TJP3: variants seen among roughly 807,000 people sequenced by gnomAD.
The protein encoded by TJP3 is tight junction protein 3.
A neutral mutation model predicts 104.2 loss-of-function variants in TJP3; 85 were observed. That is an observed-to-expected ratio of 0.82 (90% confidence interval 0.68 to 0.98). The LOEUF (loss-of-function observed/expected upper bound fraction) is 0.98, where lower values mean the gene tolerates loss of function less well. Among genes scored for constraint, TJP3 ranks in the 50% least tolerant of loss-of-function variants. TJP3 has a pLI of 0.00. For synonymous variants in TJP3, 550 were observed against 550.6 expected (o/e 1.00, Z 0.02); for missense variants, 1,367 against 1,322.8 (o/e 1.03, Z -0.52).
intron 1 of TJP3, among the ~76,000 whole-genome samples, chr19:3,717,506 G>C (rs1028983026): frequency 4.0e-4 from 60 of 151,322 alleles, no homozygotes; most frequent in Non-Finnish European, 7.8e-4. Flanking sequence ...CGTGATCTCA[G>C]CTCACTGCAA....
In TJP3 at chr19:3,734,410, G is replaced by A. The variant is rs199643630; in HGVS notation, c.961G>A (p.Glu321Lys). The A allele has an allele frequency of 5.3e-5, 86 of 1,610,984 alleles. 1 individual carries two copies. In the East Asian group the frequency reaches 1.2e-3, roughly 23 times the overall value. The change falls in exon 8 of 21, where the codon GAG becomes AAG. Residue 321 changes from glutamate (E) to lysine (K), a missense_variant. Glu to Lys is a moderately conservative substitution (Grantham distance 56, BLOSUM62 1). Coordinates refer to ENST00000541714, the MANE Select transcript of TJP3 (RefSeq NM_001267560.2). ...PPPRHAQRSP[E>K]ASQTDSPVES... is the part of the protein sequence containing the mutation. The stretch of plus-strand genomic sequence containing the variant: ...ACCCCGGCATGCTCAGCGGAGCCCC[G>A]AGGCCAGCCAGACCGACTCTCCCGT...
Position 3,730,104 on chromosome 19 carries a change from A to C in TJP3, c.235A>C (p.Lys79Gln). 1 of 1,614,108 alleles carries C rather than the reference A, an allele frequency of 6.2e-7. No homozygotes were observed. The highest frequency in any genetic ancestry group is 8.5e-7 in the Non-Finnish European group (1 of 1,180,006). The change falls in exon 4 of 21, where the codon AAG (lysine) becomes CAG (glutamine). Residue 79 changes from lysine (K) to glutamine (Q), a missense_variant. Lys to Gln is a moderately conservative substitution (Grantham distance 53). Coordinates refer to ENST00000541714, the MANE Select transcript of TJP3 (RefSeq NM_001267560.2). The surrounding 1 kb of genome is among the most constrained non-coding windows in gnomAD (Gnocchi z 7.3). ...ATSAFAIQIL[K>Q]TCTKMANITV... ...CTCCGCGTTTGCCATTCAGATACTC[A>C]AGACCTGCACCAAGATGGCCAACAT...
At chr19:3,722,363 G>T (rs1336494902) in intron 1 of TJP3, among the ~76,000 whole-genome samples, 1 of 152,140 alleles carries the variant, frequency 6.6e-6, no homozygotes, top group Non-Finnish European at 1.5e-5. Context: ...TGCTGGGGGC[G>T]TGCAGCCGGC....
intron 1 of TJP3, among the ~76,000 whole-genome samples, chr19:3,711,445 C>A (rs555357536): frequency 6.6e-6 from 1 of 151,408 alleles, no homozygotes; most frequent in African/African-American, 2.4e-5. Flanking sequence ...GTGATTCGCT[C>A]GCCTCGGCCT....
intron 14 of TJP3, 100 bp downstream of exon 14, chr19:3,740,863 C>G: frequency 8.4e-7 from 1 of 1,194,672 alleles, no homozygotes; most frequent in South Asian, 2.3e-5. Flanking sequence ...AGTCTTGGCC[C>G]GGCGTGGTGG....
At position 3,747,935 on chromosome 19, in the gene TJP3, T is replaced by TA; in HGVS notation, c.2465dup (p.Tyr822Ter). ...EGGAYTDGEG[Y>*]TDGEGGPYTD... Reference sequence around the variant, plus strand: ...CGGCGCGTACACGGATGGCGAGGGCTACACAGACGGCGAGGGGGGGCCCTA... The same window carrying TA: ...CGGCGCGTACACGGATGGCGAGGGCTAACACAGACGGCGAGGGGGGGCCCTA... Residue 822 changes from tyrosine (Y) to a stop codon, truncating the protein, a stop_gained and frameshift_variant, in exon 19 of 21, where the codon TAC becomes TAAC. Coordinates refer to ENST00000541714, the MANE Select transcript of TJP3 (RefSeq NM_001267560.2). LOFTEE classifies it high-confidence loss of function. The TA allele has an allele frequency of 6.2e-7, 1 of 1,613,054 alleles. No individual in the cohort carries two copies. The highest frequency in any genetic ancestry group is 8.5e-7 in the Non-Finnish European group (1 of 1,179,860).
chr19:3,720,240 GC>G (rs2036529557), intron 1 of TJP3, among the ~76,000 whole-genome samples: 1 of 152,212 alleles, frequency 6.6e-6, no homozygotes, highest in African/African-American at 2.4e-5. Flanking sequence ...CTTTGGCAAT[GC>G]TTTATTCGGG....
chr19:3,730,389 C>A lies in TJP3; in HGVS notation c.296C>A (p.Ala99Asp). The change falls in exon 5 of 21, where the codon GCC (alanine) becomes GAC (aspartate). Residue 99 changes from alanine to aspartate, a missense_variant. Ala to Asp is a moderately radical substitution (Grantham distance 126, BLOSUM62 -2). Coordinates refer to ENST00000541714, the MANE Select transcript of TJP3 (RefSeq NM_001267560.2). This position sits in a 1 kb window ranked among gnomAD's most constrained non-coding sequence, Gnocchi z 7.3. Reference protein sequence around the residue: ...VKRPRRIHLPATKASPSSPGR... With the variant: ...VKRPRRIHLPDTKASPSSPGR... ...CGTCCCCGGAGGATCCACCTGCCCG[C>A]CACCAAAGCCAGCCCCTCCAGCCCA... 6.4e-7 allele frequency: 1 copy of A among 1,555,958 alleles called. No individual in the cohort carries two copies. The highest frequency in any genetic ancestry group is 2.0e-5 in the Admixed American group (1 of 50,288).
intron 11 of TJP3, among the ~76,000 whole-genome samples, chr19:3,738,007 T>G (rs2036759402): frequency 1.3e-5 from 2 of 152,070 alleles, no homozygotes; most frequent in Non-Finnish European, 1.5e-5. Context: ...TGTATATTGC[T>G]GTCCATGTCA....
chr19:3,716,689 G>C (rs2036479715), intron 1 of TJP3, among the ~76,000 whole-genome samples: 1 of 145,584 alleles, frequency 6.9e-6, no homozygotes, highest in Non-Finnish European at 1.5e-5. Context: ...GCAAGGGCAA[G>C]ATCATGGATC....
At chr19:3,731,651 A>G (rs1256284224) in intron 5 of TJP3, among the ~76,000 whole-genome samples, 1 of 149,544 alleles carries the variant, frequency 6.7e-6, no homozygotes, top group Admixed American at 6.7e-5. Flanking sequence ...ATTAAAAAAT[A>G]AAAAATAAAA....
At chr19:3,735,228 C>G (rs1354779718) in intron 8 of TJP3, among the ~76,000 whole-genome samples, 2 of 152,012 alleles carry the variant, frequency 1.3e-5, no homozygotes, top group Non-Finnish European at 2.9e-5. Context: ...GAGACAAGGT[C>G]TCACTCTGTC....
intron 12 of TJP3, 93 bp from the exon 13 acceptor site, chr19:3,738,804 G>A: frequency 2.9e-6 from 4 of 1,374,208 alleles, no homozygotes; most frequent in Non-Finnish European, 4.0e-6. Context: ...CAGGGAGAGT[G>A]CCCCAAATCT....
chr19:3,741,596 C>T (rs1327791065), intron 14 of TJP3, among the ~76,000 whole-genome samples: 2 of 147,728 alleles, frequency 1.4e-5, no homozygotes, highest in Non-Finnish European at 3.0e-5. Context: ...CACTGCACTC[C>T]ACCCTGGGCC....
At chr19:3,735,833 G>T in intron 9 of TJP3, 36 bp from the exon 10 acceptor site, 1 of 1,613,514 alleles carries the variant, frequency 6.2e-7, no homozygotes, top group Non-Finnish European at 8.5e-7. Flanking sequence ...GACTGAGCCA[G>T]TGTGCTTGGG....
chr19:3,730,319 C>A lies in TJP3; in HGVS notation c.262-36C>A. 6.7e-7 allele frequency: 1 copy of A among 1,497,652 alleles called. No individual in the cohort carries two copies. The highest frequency in any genetic ancestry group is 8.9e-7 in the Non-Finnish European group (1 of 1,119,682). 92.8% of individuals were successfully genotyped at this position (1,497,652 alleles called of 1,614,324 possible). ...TGAGCAGAGCCTCCCCCAGCCCTTG[C>A]CTGTAGCTGACCCTTCCTGTCCCCT... On this transcript the variant is annotated intron_variant, in intron 4 of 20. Transcript: ENST00000541714. The surrounding 1 kb of genome is among the most constrained non-coding windows in gnomAD (Gnocchi z 7.3).
intron 1 of TJP3, among the ~76,000 whole-genome samples, chr19:3,720,985 G>A (rs984252865): frequency 5.3e-5 from 7 of 133,134 alleles, no homozygotes; most frequent in Middle Eastern, 4.2e-3. Flanking sequence ...TCAGCTCACC[G>A]CAACCTCCGC....
In TJP3 at chr19:3,716,364, C is replaced by T. The variant is rs953708224; in HGVS notation, c.-10+7803C>T. 1.1e-4 allele frequency among the ~76,000 whole-genome samples: 17 copies of T among 148,538 alleles called. 1 individual carries two copies. Among genetic ancestry groups the T allele is most frequent in the African/African-American group, 2.7e-4 (11 of 41,260 alleles). ...CTGGAATTACAGGTGTGAGTCACCG[C>T]GCTCGGCCTGGTATTGAACACCAAA... is the stretch of plus-strand genomic sequence containing the variant. On this transcript the variant is annotated intron_variant, in intron 1 of 20. Transcript: ENST00000541714.
At position 3,746,003 on chromosome 19, in the gene TJP3, G is replaced by T; in HGVS notation, c.1940-8G>T. 3 of 1,598,894 alleles carry T rather than the reference G, an allele frequency of 1.9e-6. No homozygotes were observed. The highest frequency in any genetic ancestry group is 2.6e-6 in the Non-Finnish European group (3 of 1,172,058). ...CCTGAAGCTGCTGGTCCTCTCTGCC[G>T]TCCACAGAGACTGTGTCCAGGACCG... On this transcript the variant is annotated splice_polypyrimidine_tract_variant and splice_region_variant and intron_variant, in intron 15 of 20. Transcript: ENST00000541714. This position sits in a 1 kb window ranked among gnomAD's most constrained non-coding sequence, Gnocchi z 4.1.
Sources: gnomAD v4.1 joint callset for allele counts (sites outside exome capture counted in the v4.1 genomes callset) on GRCh38, gnomAD v4.1.1 for gene constraint, Gnocchi (gnomAD v3.1) non-coding constraint, MANE v1.5 for transcripts, NCBI Gene and HGNC (gene_info 2026-07-23, HGNC 2026-07-21) for gene names.